Variants in SORCS3 observed in about 807,000 individuals in gnomAD.
SORCS3 encodes the protein sortilin related VPS10 domain containing receptor 3, also known as VPS10 domain-containing receptor SorCS3.
A neutral mutation model predicts 146.3 loss-of-function variants in SORCS3; 57 were observed. The ratio of observed to expected loss-of-function variants is 0.39; its 90% CI spans 0.31 to 0.49. SORCS3 has a LOEUF of 0.49. SORCS3 is among the 20% of genes least tolerant of loss of function. The pLI, the probability that SORCS3 is intolerant of heterozygous loss-of-function variation, is 0.92. For synonymous variants in SORCS3, 653 were observed against 618.5 expected (o/e 1.06, Z -0.83); for missense variants, 1,341 against 1,575.5 (o/e 0.85, Z 2.52).
At chr10:105,038,691 T>C (rs953864166) in intron 4 of SORCS3, among the ~76,000 whole-genome samples, 9 of 152,170 alleles carry the variant, frequency 5.9e-5, no homozygotes, top group African/African-American at 2.2e-4. Flanking sequence ...TGCTAAAATT[T>C]TGGCATATTT....
intron 20 of SORCS3, among the ~76,000 whole-genome samples, chr10:105,235,331 A>T (rs1466647915): frequency 6.6e-6 from 1 of 151,908 alleles, no homozygotes; most frequent in Non-Finnish European, 1.5e-5. Flanking sequence ...CCATATGGGC[A>T]ATTTTCTTTA....
chr10:104,949,422 AAG>A (rs1459353600), intron 3 of SORCS3, among the ~76,000 whole-genome samples: 6 of 152,280 alleles, frequency 3.9e-5, no homozygotes, highest in Admixed American at 3.9e-4. Context: ...TTTTCCCAGT[AAG>A]AGAGTGAAAC....
chr10:104,713,852 A>T (rs2133440452), intron 1 of SORCS3, among the ~76,000 whole-genome samples: 1 of 152,248 alleles, frequency 6.6e-6, no homozygotes, highest in African/African-American at 2.4e-5. Flanking sequence ...TTCTTCAGTG[A>T]TTGGTAGAAT....
At chr10:104,782,242 G>A (rs1021854502) in intron 1 of SORCS3, among the ~76,000 whole-genome samples, 3 of 152,222 alleles carry the variant, frequency 2.0e-5, no homozygotes, top group Non-Finnish European at 4.4e-5. Context: ...GCCTGGAGTT[G>A]TTGACGTGGC....
chr10:104,845,054 A>G (rs10786824), intron 2 of SORCS3, among the ~76,000 whole-genome samples: 93,074 of 151,944 alleles, frequency 0.61, 31,524 homozygotes, highest in East Asian at 0.84. Context: ...TACCAACCAC[A>G]CTTTTCCTGA....
chr10:105,008,510 T>C (rs998799898), intron 4 of SORCS3, among the ~76,000 whole-genome samples: 3 of 152,212 alleles, frequency 2.0e-5, no homozygotes, highest in Non-Finnish European at 4.4e-5. Context: ...TTTGTTGCAT[T>C]GACTCATGAG....
intron 22 of SORCS3, among the ~76,000 whole-genome samples, chr10:105,248,290 A>G (rs1471447531): frequency 6.6e-6 from 1 of 152,238 alleles, no homozygotes; most frequent in African/African-American, 2.4e-5. Flanking sequence ...CACGCTATCC[A>G]GGGACATGAA....
At chr10:104,676,764 G>C (rs1486939196) in intron 1 of SORCS3, among the ~76,000 whole-genome samples, 1 of 152,112 alleles carries the variant, frequency 6.6e-6, no homozygotes, top group African/African-American at 2.4e-5. Context: ...TCTTTTTTCT[G>C]TCTCTTCCAT....
intron 8 of SORCS3, among the ~76,000 whole-genome samples, chr10:105,144,055 T>C (rs1370460085): frequency 6.6e-6 from 1 of 152,238 alleles, no homozygotes; most frequent in African/African-American, 2.4e-5. Flanking sequence ...ATATCAATTC[T>C]AATCATGCCT....
chr10:104,739,889 A>G (rs915588469), intron 1 of SORCS3, among the ~76,000 whole-genome samples: 2 of 152,154 alleles, frequency 1.3e-5, no homozygotes, highest in African/African-American at 2.4e-5. Flanking sequence ...CTGGGTGCTA[A>G]TTTTCAGGTT....
At chr10:105,207,272 TTTATTATTATTATTA>T (rs6144063) in intron 16 of SORCS3, among the ~76,000 whole-genome samples, 1 of 147,148 alleles carries the variant, frequency 6.8e-6, no homozygotes, top group Non-Finnish European at 1.5e-5. Context: ...CATGCAGAGG[TTTATTATTATTATTA>T]TTATTATTAT....
chr10:104,675,810 C>CT (rs1339396890), intron 1 of SORCS3, among the ~76,000 whole-genome samples: 2 of 152,144 alleles, frequency 1.3e-5, no homozygotes, highest in South Asian at 2.1e-4. Context: ...CCAATCTTAT[C>CT]TTTTTTTCCT....
At chr10:104,667,369 C>T (rs1034753819) in intron 1 of SORCS3, among the ~76,000 whole-genome samples, 10 of 152,298 alleles carry the variant, frequency 6.6e-5, no homozygotes, top group Middle Eastern at 3.4e-3. Flanking sequence ...TTCCTGCCTG[C>T]CCTCCTCTCT....
chr10:104,993,597 G>T (rs766120508), intron 4 of SORCS3, among the ~76,000 whole-genome samples: 3 of 151,386 alleles, frequency 2.0e-5, no homozygotes, highest in Admixed American at 6.6e-5. Context: ...ATGCTGAAAG[G>T]TGGCTGGGAA....
At chr10:105,073,507 C>A (rs1009390702) in intron 5 of SORCS3, among the ~76,000 whole-genome samples, 6 of 152,148 alleles carry the variant, frequency 3.9e-5, no homozygotes, top group Non-Finnish European at 8.8e-5. Flanking sequence ...TTTATTTATT[C>A]CACTTCTTTC....
At chr10:105,026,855 G>T (rs1223765435) in intron 4 of SORCS3, among the ~76,000 whole-genome samples, 1 of 152,166 alleles carries the variant, frequency 6.6e-6, no homozygotes, top group Non-Finnish European at 1.5e-5. Context: ...GGACCAAGGG[G>T]TGAAAAACCA....
At chr10:104,812,343 T>C (rs1369678152) in intron 1 of SORCS3, among the ~76,000 whole-genome samples, 2 of 152,164 alleles carry the variant, frequency 1.3e-5, no homozygotes, top group Admixed American at 1.3e-4. Context: ...ACTAGTTAGG[T>C]CCATCCTTAG....
chr10:105,154,214 C>T (rs112954798), intron 9 of SORCS3, among the ~76,000 whole-genome samples: 4 of 152,086 alleles, frequency 2.6e-5, no homozygotes, highest in East Asian at 3.9e-4. Flanking sequence ...TGACCTTTAT[C>T]GGGCCAGAAG....
chr10:105,105,306 A>AT, intron 6 of SORCS3, 91 bp from the exon 7 acceptor site: 1 of 720,314 alleles, frequency 1.4e-6, no homozygotes, highest in East Asian at 2.6e-5. Context: ...TACCTTGTTG[A>AT]TTCCCCCATG....
Sources: allele counts gnomAD v4.1 joint callset (sites outside exome capture counted in the v4.1 genomes callset), GRCh38; gene constraint gnomAD v4.1.1; transcripts MANE v1.5; gene names NCBI Gene and HGNC (gene_info 2026-07-23, HGNC 2026-07-21).